The following PRRC2B variants were observed in gnomAD, a reference collection of about 807,000 sequenced individuals.
The protein encoded by PRRC2B is proline rich coiled-coil 2B, also known as protein PRRC2B.
A neutral mutation model predicts 242.3 loss-of-function variants in PRRC2B; 68 were observed. That is an observed-to-expected ratio of 0.28 (90% CI 0.23 to 0.34). PRRC2B has a LOEUF of 0.34. PRRC2B is among the 10% of genes least tolerant of loss of function. The pLI is 1.00. For missense variants in PRRC2B, 2,835 were observed against 2,954.8 expected, an observed-to-expected ratio of 0.96 and a Z score of 0.94; for synonymous variants, 1,228 against 1,173.6, an observed-to-expected ratio of 1.05 and a Z score of -0.95.
Position 131,496,199 on chromosome 9 carries a change from C to T in PRRC2B, c.*325C>T. ...GCCTCCTCCCTGTCCTGCCGCGCAG[C>T]CAGGGCGCCTTCTCAGCAGTGCTTC... is the stretch of plus-strand genomic sequence containing the variant. On this transcript the variant is annotated 3_prime_UTR_variant, in exon 32 of 32. Coordinates refer to ENST00000683519, the MANE Select transcript of PRRC2B (RefSeq NM_013318.4). 1 of 242,418 alleles carries T rather than the reference C, an allele frequency of 4.1e-6. No individual in the cohort carries two copies. The highest frequency in any genetic ancestry group is 8.1e-5 in the East Asian group (1 of 12,350). The allele number at this position is 242,418 out of a possible 1,614,324, so 15.0% of individuals were successfully genotyped here. A position where few individuals can be genotyped will look rare whatever the true frequency, so the allele number is the denominator to read the frequency against.
rs76332875 is a variant in PRRC2B, at chr9:131,474,739, T to C, written c.2610T>C (p.Ser870=). 1 of 1,612,504 alleles carries C rather than the reference T, an allele frequency of 6.2e-7. No homozygotes were observed. Among genetic ancestry groups the C allele is most frequent in the Admixed American group, 1.7e-5 (1 of 59,830 alleles). Residue 870 remains serine (S), a synonymous_variant, in exon 16 of 32, where the codon AGT becomes AGC. Transcript: ENST00000683519. The part of the protein sequence containing the change: ...VPDEKKPECG[S]WDVSHQPETA... ...ATGAGAAAAAGCCAGAGTGTGGCAGTTGGGATGTTAGCCACCAGCCAGAGA... is the reference window on the plus strand; with the variant it reads ...ATGAGAAAAAGCCAGAGTGTGGCAGCTGGGATGTTAGCCACCAGCCAGAGA...
In PRRC2B at chr9:131,422,001, G is replaced by A. The variant is rs192657224; in HGVS notation, c.-51-8093G>A. Among the ~76,000 whole-genome samples the A allele has an allele frequency of 3.2e-3, 490 of 152,210 alleles. 2 individuals are homozygous for A. Among genetic ancestry groups the A allele is most frequent in the South Asian group, 0.013 (63 of 4,808 alleles). On this transcript the variant is annotated intron_variant, in intron 1 of 31. Coordinates refer to ENST00000683519, the MANE Select transcript of PRRC2B (RefSeq NM_013318.4). The stretch of plus-strand genomic sequence containing the variant: ...GGGCTCCAAGCCTGGCCCTGCACTC[G>A]GCAGCCTTGTGACCTTGGGTGCGTT...
rs756372003 is a variant in PRRC2B, at chr9:131,475,101, A to G, written c.2972A>G (p.Asn991Ser). 6.2e-7 allele frequency: 1 copy of G among 1,611,778 alleles called. No individual in the cohort carries two copies. The highest frequency in any genetic ancestry group is 8.5e-7 in the Non-Finnish European group (1 of 1,178,948). The change falls in exon 16 of 32, where the codon AAC becomes AGC. Residue 991 changes from asparagine (N) to serine (S), a missense_variant. Asn to Ser is a conservative substitution (Grantham distance 46). Transcript: ENST00000683519. ...GCAGAAAAGGATGAGGACGAAGAGA[A>G]CGATGCCTCTCTGGCCAACTCCTCC... Reference protein sequence around the residue: ...PTAEKDEDEENDASLANSSTT... With the variant: ...PTAEKDEDEESDASLANSSTT...
intron 1 of PRRC2B, among the ~76,000 whole-genome samples, chr9:131,397,539 G>A (rs527879951): frequency 7.8e-6 from 1 of 128,304 alleles, no homozygotes; most frequent in Admixed American, 7.5e-5. Context: ...TATCCTGAAG[G>A]ATTATTTTAT....
chr9:131,459,198 T>C lies in PRRC2B; in HGVS notation c.1246T>C (p.Ser416Pro), dbSNP rs903839012. Residue 416 changes from serine to proline, a missense_variant, in exon 11 of 32, where the codon TCA becomes CCA. Physicochemically the swap from Ser to Pro is moderately conservative, Grantham distance 74 (BLOSUM62 -1). Transcript: ENST00000683519. Reference sequence around the variant, plus strand: ...GGACCCTAGGAGGCAGCGGCAGTTGTCAATGAGCTCTGCAGACAGTGCGGA... The same window carrying C: ...GGACCCTAGGAGGCAGCGGCAGTTGCCAATGAGCTCTGCAGACAGTGCGGA... ...SWDPRRQRQL[S>P]MSSADSADAK... 2 of 1,613,960 alleles carry C rather than the reference T, an allele frequency of 1.2e-6. No individual in the cohort carries two copies. The highest frequency in any genetic ancestry group is 1.7e-6 in the Non-Finnish European group (2 of 1,179,888).
chr9:131,385,845 C>G (rs982436843), intron 1 of PRRC2B, among the ~76,000 whole-genome samples: 1 of 150,006 alleles, frequency 6.7e-6, no homozygotes, highest in Non-Finnish European at 1.5e-5. Context: ...AGGCGCCCAC[C>G]ACCACGCCCG....
Position 131,436,701 on chromosome 9 carries a change from G to T in PRRC2B, c.375G>T (p.Pro125=), listed in dbSNP as rs753979647. The T allele has an allele frequency of 6.2e-7, 1 of 1,613,938 alleles. No homozygotes were observed. Reference sequence around the variant, plus strand: ...AATCTGTCTCCAATTTGCAGAAACCGACACAGTCAATCAGTCAGGAGGTAG... The same window carrying T: ...AATCTGTCTCCAATTTGCAGAAACCTACACAGTCAATCAGTCAGGAGGTAG... ...LQKSVSNLQK[P]TQSISQENTN... The change falls in exon 4 of 32, where the codon CCG becomes CCT. Residue 125 remains proline (P), a synonymous_variant. Coordinates refer to ENST00000683519, the MANE Select transcript of PRRC2B (RefSeq NM_013318.4).
intron 10 of PRRC2B, among the ~76,000 whole-genome samples, chr9:131,455,942 G>A (rs997199112): frequency 6.6e-5 from 10 of 152,004 alleles, no homozygotes; most frequent in African/African-American, 2.4e-4. Context: ...GTGAAACCCC[G>A]TCTCTACTAA....
intron 1 of PRRC2B, among the ~76,000 whole-genome samples, chr9:131,413,529 A>G (rs1837559932): frequency 1.3e-5 from 2 of 152,206 alleles, no homozygotes; most frequent in Non-Finnish European, 2.9e-5. Flanking sequence ...GCATGCACCA[A>G]CACACCCAGC....
intron 28 of PRRC2B, chr9:131,490,534 T>C: frequency 3.9e-6 from 2 of 519,164 alleles, no homozygotes; most frequent in Non-Finnish European, 7.7e-6. Context: ...CACTGTGGAC[T>C]CAATAGCAGG....
At chr9:131,398,047 C>T (rs758846955) in intron 1 of PRRC2B, among the ~76,000 whole-genome samples, 17 of 152,306 alleles carry the variant, frequency 1.1e-4, no homozygotes, top group Non-Finnish European at 2.1e-4. Context: ...GAAATACAGG[C>T]ACTGGCTGTG....
intron 4 of PRRC2B, among the ~76,000 whole-genome samples, chr9:131,438,674 C>T (rs935722064): frequency 1.3e-5 from 2 of 152,168 alleles, no homozygotes; most frequent in African/African-American, 4.8e-5. Flanking sequence ...TTCCAGAGCA[C>T]CGAATGGAGA....
At chr9:131,442,816 G>T (rs1838644755) in intron 5 of PRRC2B, among the ~76,000 whole-genome samples, 1 of 152,184 alleles carries the variant, frequency 6.6e-6, no homozygotes, top group South Asian at 2.1e-4. Context: ...TTTTTAATCT[G>T]TTCATCCAAA....
chr9:131,394,716 C>T (rs917878649), intron 1 of PRRC2B, among the ~76,000 whole-genome samples: 10 of 151,558 alleles, frequency 6.6e-5, no homozygotes, highest in African/African-American at 2.2e-4. Flanking sequence ...GCGCCCGAGG[C>T]GGGATCCTGC....
chr9:131,402,540 T>C (rs1018210262), intron 1 of PRRC2B, among the ~76,000 whole-genome samples: 2 of 152,198 alleles, frequency 1.3e-5, no homozygotes, highest in Non-Finnish European at 1.5e-5. Context: ...ATGTATTGAA[T>C]GGTCCTTTCC....
chr9:131,454,824 C>T (rs145936889), intron 9 of PRRC2B, among the ~76,000 whole-genome samples: 16,906 of 151,970 alleles, frequency 0.11, 1,028 homozygotes, highest in Non-Finnish European at 0.13. Context: ...TTAGTAGAGA[C>T]GGGGTTTCAC....
chr9:131,488,019 G>A lies in PRRC2B; in HGVS notation c.6148G>A (p.Ala2050Thr), dbSNP rs1162776312. Residue 2050 changes from alanine to threonine, a missense_variant, in exon 28 of 32, where the codon GCC becomes ACC. Around this residue, in one of 7 missense-constraint regions of PRRC2B, gnomAD observed 574 missense variants for 626.0 expected, o/e 0.92. Transcript: ENST00000683519. ...SPYQPMSGNQ[A>T]LVYEGQLSQA... The stretch of plus-strand genomic sequence containing the variant: ...CTACCAGCCCATGAGCGGGAACCAA[G>A]CCCTGGTCTACGAGGGCCAGCTCAG... The A allele has an allele frequency of 5.0e-6, 8 of 1,612,536 alleles. No individual in the cohort carries two copies. Among genetic ancestry groups the A allele is most frequent in the Non-Finnish European group, 5.1e-6 (6 of 1,179,290 alleles).
In PRRC2B at chr9:131,477,884, A is replaced by G. The variant is rs762623023; in HGVS notation, c.4547A>G (p.Lys1516Arg). The change falls in exon 17 of 32, where the codon AAG (lysine) becomes AGG (arginine). Residue 1516 changes from lysine to arginine, a missense_variant. Physicochemically the swap from Lys to Arg is conservative, Grantham distance 26. Coordinates refer to ENST00000683519, the MANE Select transcript of PRRC2B (RefSeq NM_013318.4). Reference sequence around the variant, plus strand: ...AGTAAAAAGGCAGAGAAGGAGGCCAAGTTGGCTGCTCCGAGGGCAGGTGAA... The same window carrying G: ...AGTAAAAAGGCAGAGAAGGAGGCCAGGTTGGCTGCTCCGAGGGCAGGTGAA... ...ASSKKAEKEA[K>R]LAAPRAGEQG... The G allele has an allele frequency of 1.9e-6, 3 of 1,614,038 alleles. No homozygotes were observed. The highest frequency in any genetic ancestry group is 1.7e-5 in the Admixed American group (1 of 60,030).
chr9:131,474,648 C>T lies in PRRC2B; in HGVS notation c.2519C>T (p.Ala840Val). 3 of 1,613,818 alleles carry T rather than the reference C, an allele frequency of 1.9e-6. No homozygotes were observed. Among genetic ancestry groups the T allele is most frequent in the Non-Finnish European group, 8.5e-7 (1 of 1,179,840 alleles). The change falls in exon 16 of 32, where the codon GCA becomes GTA. Residue 840 changes from alanine (A) to valine (V), a missense_variant. Transcript: ENST00000683519. The stretch of plus-strand genomic sequence containing the variant: ...CCACCCCAAGAAAATGTTCAGGATG[C>T]AGGTGCTCCTGGGGGTCACACCCAA... ...LFPPQENVQDAGAPGGHTQNL... is the reference protein window; with the variant it reads ...LFPPQENVQDVGAPGGHTQNL...
Sources: gnomAD v4.1 joint callset for allele counts (sites outside exome capture counted in the v4.1 genomes callset) on GRCh38, gnomAD v4.1.1 for gene constraint, gnomAD v4.1.1 regional missense constraint, MANE v1.5 for transcripts, NCBI Gene and HGNC (gene_info 2026-07-23, HGNC 2026-07-21) for gene names.